Variants in DENND1A observed in about 807,000 individuals in gnomAD.
DENND1A encodes the protein DENN domain-containing protein 1A.
DENND1A carries 51 observed loss-of-function variants against 113.7 expected under a neutral mutation model. That is an observed-to-expected ratio of 0.45 (90% CI 0.36 to 0.57). The LOEUF (loss-of-function observed/expected upper bound fraction) is 0.57. DENND1A is among the 20% of genes least tolerant of loss of function. The pLI, the probability that DENND1A is intolerant of heterozygous loss-of-function variation, is 0.00. For synonymous variants in DENND1A, 565 were observed against 570.8 expected (o/e 0.99, Z 0.14); for missense variants, 1,258 against 1,395.9 (o/e 0.90, Z 1.57).
At chr9:123,534,506 T>C (rs1159679595) in intron 13 of DENND1A, among the ~76,000 whole-genome samples, 1 of 152,250 alleles carries the variant, frequency 6.6e-6, no homozygotes, top group African/African-American at 2.4e-5. Flanking sequence ...TTTGTGTATG[T>C]TTCCTAGCCT....
At chr9:123,882,846 G>C (rs1026629489) in intron 1 of DENND1A, among the ~76,000 whole-genome samples, 1 of 152,168 alleles carries the variant, frequency 6.6e-6, no homozygotes. Flanking sequence ...ACACTTGAAC[G>C]TGGTTAAGAT....
At chr9:123,759,218 A>T (rs947078443) in intron 4 of DENND1A, 1 of 152,190 alleles carries the variant, frequency 6.6e-6, no homozygotes. Flanking sequence ...CGTCACAGTT[A>T]TGGCGGCTAA....
chr9:123,827,923 G>C (rs546379199), intron 2 of DENND1A, among the ~76,000 whole-genome samples: 48 of 152,208 alleles, frequency 3.2e-4, no homozygotes, highest in African/African-American at 1.1e-3. Flanking sequence ...CTCTGGAGGA[G>C]GATAATATTA....
chr9:123,882,232 G>T (rs1280848794), intron 1 of DENND1A, among the ~76,000 whole-genome samples: 1 of 151,468 alleles, frequency 6.6e-6, no homozygotes, highest in Admixed American at 6.6e-5. Flanking sequence ...CATGGTGGGG[G>T]ATGCCCAGCT....
intron 13 of DENND1A, chr9:123,485,539 C>G (rs1484549728): frequency 6.6e-6 from 1 of 152,024 alleles, no homozygotes; most frequent in Non-Finnish European, 1.5e-5. Flanking sequence ...CAGGGCTCCC[C>G]CACCTGAGTA....
rs553551496 is a variant in DENND1A at position 123,626,065 on chromosome 9, T to G, written c.719+4311A>C. Among the ~76,000 whole-genome samples the G allele has an allele frequency of 1.8e-4, 28 of 152,090 alleles. 1 individual carries two copies. In the South Asian group the frequency reaches 5.4e-3, roughly 29 times the overall value. ...TGCCACTATGGCTGGGTTTTGTTTT[T>G]TTTTTTCTGTGGAGATGGCGATCTC... On this transcript the variant is annotated intron_variant, in intron 10 of 23. Coordinates refer to ENST00000394215, the MANE Select transcript of DENND1A (RefSeq NM_001352964.2).
At chr9:123,912,021 G>A (rs534387257) in intron 1 of DENND1A, among the ~76,000 whole-genome samples, 1 of 152,188 alleles carries the variant, frequency 6.6e-6, no homozygotes, top group African/African-American at 2.4e-5. Context: ...GGTATTGACT[G>A]GAAGGGGCAT....
chr9:123,630,406 A>G lies in DENND1A; in HGVS notation c.689T>C (p.Val230Ala). 6.2e-7 allele frequency: 1 copy of G among 1,602,740 alleles called. No homozygotes were observed. Residue 230 changes from valine to alanine, a missense_variant, in exon 10 of 24, where the codon GTG becomes GCG. Transcript: ENST00000394215. ...GTAGTCCAGCAGATGCGGCGGCAGCACGGGGATGTACACGTGCTGCCAGTA... is the reference window on the plus strand; with the variant it reads ...GTAGTCCAGCAGATGCGGCGGCAGCGCGGGGATGTACACGTGCTGCCAGTA... ...PMYWQHVYIP[V>A]LPPHLLDYCC...
At chr9:123,888,288 A>T (rs1849396309) in intron 1 of DENND1A, among the ~76,000 whole-genome samples, 1 of 152,252 alleles carries the variant, frequency 6.6e-6, no homozygotes, top group Non-Finnish European at 1.5e-5. Flanking sequence ...CAGTCTGAGC[A>T]TCCAAATCAG....
chr9:123,588,474 G>A (rs1157642963), intron 11 of DENND1A, among the ~76,000 whole-genome samples: 3 of 151,064 alleles, frequency 2.0e-5, no homozygotes, highest in Non-Finnish European at 2.9e-5. Context: ...CAAAAAATTA[G>A]CCGGGTGTGG....
At chr9:123,595,064 C>G (rs2137168231) in intron 11 of DENND1A, among the ~76,000 whole-genome samples, 1 of 152,260 alleles carries the variant, frequency 6.6e-6, no homozygotes, top group Middle Eastern at 3.4e-3. Flanking sequence ...TCTTTGGAGC[C>G]AAGAGTCGCT....
chr9:123,826,110 C>T (rs951298948), intron 2 of DENND1A, among the ~76,000 whole-genome samples: 1 of 152,160 alleles, frequency 6.6e-6, no homozygotes, highest in Non-Finnish European at 1.5e-5. Flanking sequence ...TTCTGGGGTC[C>T]TTTTTGTTAA....
intron 13 of DENND1A, among the ~76,000 whole-genome samples, chr9:123,459,432 C>A (rs2048371254): frequency 6.6e-6 from 1 of 151,842 alleles, no homozygotes; most frequent in African/African-American, 2.4e-5. Context: ...CGGGGATGAT[C>A]AAAAATAAAA....
intron 20 of DENND1A, among the ~76,000 whole-genome samples, chr9:123,408,082 G>A (rs1206264481): frequency 6.6e-6 from 1 of 152,146 alleles, no homozygotes; most frequent in East Asian, 1.9e-4. Context: ...CTTCCAGAAA[G>A]GCTGAATGGC....
chr9:123,699,983 C>T (rs905682038), intron 5 of DENND1A, among the ~76,000 whole-genome samples: 3 of 152,176 alleles, frequency 2.0e-5, no homozygotes, highest in African/African-American at 7.2e-5. Flanking sequence ...CAGGTGTGAG[C>T]CACTATGCCT....
chr9:123,461,557 C>T (rs1186493486), intron 13 of DENND1A, among the ~76,000 whole-genome samples: 1 of 152,204 alleles, frequency 6.6e-6, no homozygotes, highest in South Asian at 2.1e-4. Flanking sequence ...GGCAGTCACT[C>T]CTGGAGCTTT....
At chr9:123,787,782 G>A (rs1832409113) in intron 3 of DENND1A, among the ~76,000 whole-genome samples, 1 of 152,112 alleles carries the variant, frequency 6.6e-6, no homozygotes, top group Admixed American at 6.6e-5. Flanking sequence ...TTAAGAGAAA[G>A]GGCACCTTTT....
chr9:123,875,473 G>A (rs1175492266), intron 2 of DENND1A, among the ~76,000 whole-genome samples: 1 of 152,162 alleles, frequency 6.6e-6, no homozygotes, highest in East Asian at 1.9e-4. Context: ...CTGACTAGAA[G>A]GCCAGGTTCA....
At chr9:123,452,441 T>A in intron 16 of DENND1A, 94 bp from the exon 17 acceptor site, 1 of 1,003,876 alleles carries the variant, frequency 1.0e-6, no homozygotes, top group South Asian at 1.3e-5. Context: ...TAAGCAACAT[T>A]TCAAAGGTAT....
Sources: gnomAD v4.1 joint callset for allele counts (sites outside exome capture counted in the v4.1 genomes callset) on GRCh38, gnomAD v4.1.1 for gene constraint, MANE v1.5 for transcripts, NCBI Gene and HGNC (gene_info 2026-07-23, HGNC 2026-07-21) for gene names.